Variants in CACNA2D2 observed in about 807,000 individuals in gnomAD.
CACNA2D2 encodes calcium voltage-gated channel auxiliary subunit alpha2delta 2.
Under a neutral mutation model 166.4 loss-of-function variants are expected in CACNA2D2, and 48 were observed. The observed-to-expected ratio is 0.29, with a 90% CI of 0.23 to 0.37. The LOEUF (loss-of-function observed/expected upper bound fraction) is 0.37. Among genes scored for constraint, CACNA2D2 ranks in the 10% least tolerant of loss-of-function variants. The pLI is 1.00. For synonymous variants in CACNA2D2, 561 were observed against 573.7 expected (o/e 0.98, Z 0.32); for missense variants, 1,122 against 1,433.0 (o/e 0.78, Z 3.50).
In CACNA2D2 at chr3:50,380,038, G is replaced by C; in HGVS notation, c.843-20C>G. The stretch of plus-strand genomic sequence containing the variant: ...ATATACCTGCCCAGGAGATGCCTCT[G>C]TTAGGGTAAGGCCCACTGGGACCTT... On this transcript the variant is annotated intron_variant, in intron 8 of 37. Transcript: ENST00000424201. This position sits in a 1 kb window ranked among gnomAD's most constrained non-coding sequence, Gnocchi z 4.9. The C allele has an allele frequency of 6.2e-7, 1 of 1,613,906 alleles. No homozygotes were observed. Among genetic ancestry groups the C allele is most frequent in the Non-Finnish European group, 8.5e-7 (1 of 1,179,902 alleles).
chr3:50,366,412 G>A lies in CACNA2D2; in HGVS notation c.2638-74C>T. ...ACCTTCCACCGCAGGCAGTCCAGTG[G>A]TTCAGAGTTGGGGGGCATCACTCCC... On this transcript the variant is annotated intron_variant, in intron 30 of 37. Coordinates refer to ENST00000424201, the MANE Select transcript of CACNA2D2 (RefSeq NM_006030.4). The surrounding 1 kb of genome is among the most constrained non-coding windows in gnomAD (Gnocchi z 5.9). 1 of 1,535,946 alleles carries A rather than the reference G, an allele frequency of 6.5e-7. No homozygotes were observed.
At chr3:50,435,087 AG>A (rs1243564384) in intron 2 of CACNA2D2, among the ~76,000 whole-genome samples, 1 of 151,732 alleles carries the variant, frequency 6.6e-6, no homozygotes, top group Non-Finnish European at 1.5e-5. Flanking sequence ...CCTTCCTCCA[AG>A]GGGGGTGGGT....
At chr3:50,434,169 G>A (rs1407294813) in intron 3 of CACNA2D2, 144 bp downstream of exon 3, 6 of 668,414 alleles carry the variant, frequency 9.0e-6, no homozygotes, top group East Asian at 5.1e-5. Flanking sequence ...CACATTCCAC[G>A]TGGGCACAGC....
At chr3:50,385,464 CCT>C (rs1255919549) in intron 5 of CACNA2D2, among the ~76,000 whole-genome samples, 2 of 152,342 alleles carry the variant, frequency 1.3e-5, no homozygotes, top group African/African-American at 2.4e-5. Context: ...ATGCCCCTCC[CCT>C]GTGTTTCTGC....
chr3:50,477,345 G>A (rs911907825), intron 1 of CACNA2D2, among the ~76,000 whole-genome samples: 1 of 152,190 alleles, frequency 6.6e-6, no homozygotes, highest in Non-Finnish European at 1.5e-5. Flanking sequence ...TAAGTCAAGC[G>A]TGTTCGCTGC....
intron 2 of CACNA2D2, among the ~76,000 whole-genome samples, chr3:50,442,597 G>T (rs993953409): frequency 3.3e-5 from 5 of 152,156 alleles, no homozygotes; most frequent in Non-Finnish European, 7.4e-5. Context: ...CTCAGACAAG[G>T]TATTCACAGA....
intron 5 of CACNA2D2, among the ~76,000 whole-genome samples, chr3:50,387,181 G>GAACTGGAAATGC (rs1705650018): frequency 6.6e-6 from 1 of 152,144 alleles, no homozygotes; most frequent in Admixed American, 6.5e-5. Flanking sequence ...GAGCTGGCCT[G>GAACTGGAAATGC]ACCTGGAAAT....
In CACNA2D2 at chr3:50,434,416, T is replaced by C; in HGVS notation, c.302A>G (p.Asn101Ser). The C allele has an allele frequency of 2.5e-6, 4 of 1,613,950 alleles. No individual in the cohort carries two copies. Among genetic ancestry groups the C allele is most frequent in the Non-Finnish European group, 3.4e-6 (4 of 1,179,852 alleles). Residue 101 changes from asparagine to serine, a missense_variant, in exon 3 of 38, where the codon AAC becomes AGC. Coordinates refer to ENST00000424201, the MANE Select transcript of CACNA2D2 (RefSeq NM_006030.4). Reference protein sequence around the residue: ...VQQLREIYKDNRNLFEVQENE... With the variant: ...VQQLREIYKDSRNLFEVQENE... ...CTCCTGTACCTCGAACAGGTTCCGG[T>C]TGTCCTTGTAAATCTGGAAGGAAGC...
At chr3:50,403,638 CTG>C (rs773553679) in intron 3 of CACNA2D2, among the ~76,000 whole-genome samples, 10 of 152,192 alleles carry the variant, frequency 6.6e-5, no homozygotes, top group Non-Finnish European at 7.3e-5. Flanking sequence ...TGTGACCTGT[CTG>C]TGTTTCCCGG....
rs111841111 is a variant in CACNA2D2, at chr3:50,379,892, A to C, written c.894-68T>G. The C allele has an allele frequency of 4.8e-4, 766 of 1,610,986 alleles. 3 individuals are homozygous for C. In the African/African-American group the frequency reaches 9.0e-3, roughly 19 times the overall value. ...TCACGTGTTCTCCTGCCCATCCCCCAAGATGTTCAGGGCAGCAGAGTCTAG... is the reference window on the plus strand; with the variant it reads ...TCACGTGTTCTCCTGCCCATCCCCCCAGATGTTCAGGGCAGCAGAGTCTAG... On this transcript the variant is annotated intron_variant, in intron 9 of 37. Transcript: ENST00000424201. This position sits in a 1 kb window ranked among gnomAD's most constrained non-coding sequence, Gnocchi z 6.5.
intron 2 of CACNA2D2, among the ~76,000 whole-genome samples, chr3:50,463,929 C>G (rs1195646296): frequency 2.0e-5 from 3 of 152,196 alleles, no homozygotes; most frequent in Non-Finnish European, 4.4e-5. Flanking sequence ...TGGATGAAGC[C>G]CAGCGCACCT....
At chr3:50,453,594 T>C (rs1016837003) in intron 2 of CACNA2D2, among the ~76,000 whole-genome samples, 1 of 152,148 alleles carries the variant, frequency 6.6e-6, no homozygotes, top group African/African-American at 2.4e-5. Context: ...AAAGAAACTC[T>C]AGAGGGCAAC....
At chr3:50,370,517 C>T (rs1450973807) in intron 22 of CACNA2D2, 137 bp from the exon 23 acceptor site, 3 of 650,376 alleles carry the variant, frequency 4.6e-6, no homozygotes, top group East Asian at 5.5e-5. Context: ...GGAAACCCGC[C>T]ATTTCCACGT....
At chr3:50,444,776 G>A (rs1163844006) in intron 2 of CACNA2D2, among the ~76,000 whole-genome samples, 1 of 152,214 alleles carries the variant, frequency 6.6e-6, no homozygotes, top group Non-Finnish European at 1.5e-5. Flanking sequence ...GGAGATAAGG[G>A]TAGAGAGATG....
chr3:50,367,365 G>C lies in CACNA2D2; in HGVS notation c.2401+29C>G, dbSNP rs1704372878. On this transcript the variant is annotated intron_variant, in intron 27 of 37. Coordinates refer to ENST00000424201, the MANE Select transcript of CACNA2D2 (RefSeq NM_006030.4). This position sits in a 1 kb window ranked among gnomAD's most constrained non-coding sequence, Gnocchi z 6.5. The stretch of plus-strand genomic sequence containing the variant: ...ACAGGGAAGCTGAGGCTCCCTGCCT[G>C]CTGCTGGGCACACTGCGGGGACACT... 6.3e-7 allele frequency: 1 copy of C among 1,589,516 alleles called. No individual in the cohort carries two copies. Among genetic ancestry groups the C allele is most frequent in the South Asian group, 1.1e-5 (1 of 90,466 alleles).
intron 2 of CACNA2D2, among the ~76,000 whole-genome samples, chr3:50,469,753 C>A (rs1371763546): frequency 6.6e-6 from 1 of 152,204 alleles, no homozygotes; most frequent in Non-Finnish European, 1.5e-5. Flanking sequence ...TTCACCACTT[C>A]CCACCATCCA....
chr3:50,369,460 C>T (rs1414976472), intron 23 of CACNA2D2, among the ~76,000 whole-genome samples: 3 of 152,226 alleles, frequency 2.0e-5, no homozygotes, highest in African/African-American at 7.2e-5. Flanking sequence ...TACATATGTA[C>T]ATGGTGACTC....
intron 4 of CACNA2D2, among the ~76,000 whole-genome samples, chr3:50,390,882 C>T (rs1705854601): frequency 6.6e-6 from 1 of 152,226 alleles, no homozygotes; most frequent in African/African-American, 2.4e-5. Context: ...CTGCCAAGGC[C>T]TGGCCAGACA....
intron 2 of CACNA2D2, among the ~76,000 whole-genome samples, chr3:50,456,774 T>G (rs1017757889): frequency 6.6e-6 from 1 of 151,990 alleles, no homozygotes; most frequent in Non-Finnish European, 1.5e-5. Context: ...CAAGAGAAAA[T>G]TCAGACAGGG....
Sources: gnomAD v4.1 joint callset for allele counts (sites outside exome capture counted in the v4.1 genomes callset) on GRCh38, gnomAD v4.1.1 for gene constraint, Gnocchi (gnomAD v3.1) non-coding constraint, MANE v1.5 for transcripts, NCBI Gene and HGNC (gene_info 2026-07-23, HGNC 2026-07-21) for gene names.